CNTN4: variants seen among roughly 807,000 people sequenced by gnomAD.
CNTN4 encodes contactin-4.
CNTN4 carries 77 observed loss-of-function variants against 122.5 expected under a neutral mutation model. The observed-to-expected ratio is 0.63, with a 90% CI of 0.52 to 0.76. The LOEUF is 0.76. Among genes scored for constraint, CNTN4 ranks in the 30% least tolerant of loss-of-function variants. The pLI is 0.00. For missense variants in CNTN4, 1,256 were observed against 1,259.1 expected (o/e 1.00, Z 0.04); for synonymous variants, 512 against 447.0 (o/e 1.15, Z -1.83).
intron 12 of CNTN4, among the ~76,000 whole-genome samples, chr3:2,906,104 G>A (rs545126383): frequency 5.9e-5 from 9 of 152,160 alleles, no homozygotes; most frequent in African/African-American, 1.9e-4. Context: ...AATATCACAT[G>A]ATCTCACTCA....
At chr3:2,369,523 T>C (rs1193186393) in intron 3 of CNTN4, among the ~76,000 whole-genome samples, 1 of 152,186 alleles carries the variant, frequency 6.6e-6, no homozygotes, top group Non-Finnish European at 1.5e-5. Context: ...TTGCAGCAAT[T>C]ATGAAAGTTG....
chr3:2,443,494 A>G (rs936686245), intron 3 of CNTN4, among the ~76,000 whole-genome samples: 14 of 152,180 alleles, frequency 9.2e-5, no homozygotes, highest in Admixed American at 9.2e-4. Context: ...TTAGTTTCTT[A>G]GCGTTAGTTC....
intron 5 of CNTN4, among the ~76,000 whole-genome samples, chr3:2,736,891 C>G (rs1466271777): frequency 2.0e-5 from 3 of 152,128 alleles, no homozygotes; most frequent in Admixed American, 6.6e-5. Context: ...TCAAGTGATT[C>G]TCCTGCCTCA....
At chr3:2,617,531 C>T (rs933133770) in intron 4 of CNTN4, among the ~76,000 whole-genome samples, 1 of 147,392 alleles carries the variant, frequency 6.8e-6, no homozygotes, top group Non-Finnish European at 1.5e-5. Context: ...AGTGATTCTC[C>T]TGCCTCAGCC....
At chr3:2,925,833 C>T in intron 13 of CNTN4, 54 bp downstream of exon 13, 1 of 1,485,498 alleles carries the variant, frequency 6.7e-7, no homozygotes, top group Non-Finnish European at 9.4e-7. Flanking sequence ...ATGTGTTGGT[C>T]TGTTATTAAT....
chr3:2,281,287 T>G (rs1408204273), intron 2 of CNTN4, among the ~76,000 whole-genome samples: 1 of 152,128 alleles, frequency 6.6e-6, no homozygotes, highest in Non-Finnish European at 1.5e-5. Flanking sequence ...GTCAATGAAG[T>G]AGGGATGATG....
chr3:2,398,662 A>G (rs967795449), intron 3 of CNTN4, among the ~76,000 whole-genome samples: 5 of 152,166 alleles, frequency 3.3e-5, no homozygotes, highest in Non-Finnish European at 4.4e-5. Context: ...AATTTTGTTC[A>G]GTATTAAAAC....
At chr3:2,902,754 A>C (rs1442921578) in intron 11 of CNTN4, 122 bp from the exon 12 acceptor site, 2 of 989,904 alleles carry the variant, frequency 2.0e-6, no homozygotes, top group African/African-American at 3.2e-5. Context: ...ATGTTATGTA[A>C]ATTGCTTATA....
chr3:2,910,007 G>A (rs964470397), intron 12 of CNTN4, among the ~76,000 whole-genome samples: 2 of 152,166 alleles, frequency 1.3e-5, no homozygotes, highest in African/African-American at 2.4e-5. Context: ...AAAGCACTCT[G>A]AATCCGAAGT....
At chr3:2,455,899 C>G (rs970474594) in intron 3 of CNTN4, among the ~76,000 whole-genome samples, 6 of 152,052 alleles carry the variant, frequency 3.9e-5, no homozygotes, top group Non-Finnish European at 7.4e-5. Context: ...CCTCTCTTCT[C>G]TCTGTCAGTT....
At chr3:2,651,273 A>G (rs1387372835) in intron 4 of CNTN4, among the ~76,000 whole-genome samples, 2 of 152,092 alleles carry the variant, frequency 1.3e-5, no homozygotes, top group Non-Finnish European at 2.9e-5. Context: ...GTAGAAAAAA[A>G]TATTCCCTTA....
chr3:2,099,430 G>C (rs1274113366), intron 1 of CNTN4: 1 of 152,572 alleles, frequency 6.6e-6, no homozygotes, highest in Non-Finnish European at 1.5e-5. Context: ...TCCCGGCGGG[G>C]CTTTTCTTCT....
rs956089194 is a variant in CNTN4, at chr3:2,429,572, A to G, written c.-89+90339A>G. On this transcript the variant is annotated intron_variant, in intron 3 of 24. Transcript: ENST00000418658. ...GCAGTCTGTCCGTTCTCAGATCTCA[A>G]ACTCCGTGCTGGGAGAACCACTACT... 9.2e-5 allele frequency among the ~76,000 whole-genome samples: 14 copies of G among 152,220 alleles called. No individual in the cohort carries two copies. The East Asian group carries it at 2.7e-3, about 29-fold the overall frequency.
At chr3:2,200,029 C>A (rs934237712) in intron 2 of CNTN4, among the ~76,000 whole-genome samples, 3 of 152,150 alleles carry the variant, frequency 2.0e-5, no homozygotes, top group African/African-American at 7.2e-5. Context: ...AATGGGACAG[C>A]ATTGGAGACT....
At chr3:3,034,544 TG>T in intron 16 of CNTN4, 87 bp from the exon 17 acceptor site, 1 of 1,321,130 alleles carries the variant, frequency 7.6e-7, no homozygotes, top group Non-Finnish European at 1.1e-6. Flanking sequence ...GATAAATGAA[TG>T]GGTCAATGCC....
At chr3:2,607,531 G>C (rs2081307586) in intron 4 of CNTN4, among the ~76,000 whole-genome samples, 2 of 148,606 alleles carry the variant, frequency 1.3e-5, no homozygotes. Flanking sequence ...AATTTCAAAA[G>C]GATATAAAAA....
At chr3:2,146,426 A>G (rs921122653) in intron 2 of CNTN4, among the ~76,000 whole-genome samples, 4 of 152,120 alleles carry the variant, frequency 2.6e-5, no homozygotes, top group African/African-American at 9.6e-5. Flanking sequence ...TAGCTTTCCA[A>G]TTTATTTTGC....
chr3:2,577,946 A>G (rs1311239264), intron 4 of CNTN4, among the ~76,000 whole-genome samples: 1 of 152,084 alleles, frequency 6.6e-6, no homozygotes, highest in Admixed American at 6.5e-5. Flanking sequence ...ATCCTCTCCA[A>G]ATGCAAGCAT....
chr3:2,418,412 G>A (rs1407989119), intron 3 of CNTN4, among the ~76,000 whole-genome samples: 1 of 151,978 alleles, frequency 6.6e-6, no homozygotes, highest in Non-Finnish European at 1.5e-5. Context: ...TAAGACATAG[G>A]GTTCAAAACG....
Sources: allele counts gnomAD v4.1 joint callset (sites outside exome capture counted in the v4.1 genomes callset), GRCh38; gene constraint gnomAD v4.1.1; transcripts MANE v1.5; gene names NCBI Gene and HGNC (gene_info 2026-07-23, HGNC 2026-07-21).